ANKAR: variants seen among roughly 807,000 people sequenced by gnomAD.
The protein encoded by ANKAR is ankyrin and armadillo repeat containing.
A neutral mutation model predicts 146.2 loss-of-function variants in ANKAR; 136 were observed. That is an observed-to-expected ratio of 0.93 (90% CI 0.81 to 1.07). The LOEUF (loss-of-function observed/expected upper bound fraction) is 1.07. ANKAR is among the 50% of genes least tolerant of loss of function. The pLI is 0.00. For missense variants in ANKAR, 1,567 were observed against 1,679.9 expected (o/e 0.93, Z 1.18); for synonymous variants, 500 against 575.8 (o/e 0.87, Z 1.88).
Position 189,705,037 on chromosome 2 carries a change from C to T in ANKAR, c.1723C>T (p.His575Tyr), listed in dbSNP as rs200744384. ...VTFSQGPTPL[H>Y]LAAQACSLET... ...ATCCATTCTAGGTCCAACACCTCTA[C>T]ACCTTGCTGCACAGGCTTGCTCATT... is the stretch of plus-strand genomic sequence containing the variant. The change falls in exon 8 of 23, where the codon CAC becomes TAC. Residue 575 changes from histidine (H) to tyrosine (Y), a missense_variant. Transcript: ENST00000684021. 34 of 1,614,050 alleles carry T rather than the reference C, an allele frequency of 2.1e-5. No individual in the cohort carries two copies. The East Asian group carries it at 7.1e-4, about 34-fold the overall frequency.
At chr2:189,708,922 T>C (rs2039318371) in intron 9 of ANKAR, among the ~76,000 whole-genome samples, 1 of 151,876 alleles carries the variant, frequency 6.6e-6, no homozygotes, top group Non-Finnish European at 1.5e-5. Context: ...GCCAACATGG[T>C]GAAAACCTGT....
intron 16 of ANKAR, among the ~76,000 whole-genome samples, chr2:189,732,467 C>T (rs2042496007): frequency 6.6e-6 from 1 of 152,068 alleles, no homozygotes; most frequent in Non-Finnish European, 1.5e-5. Context: ...CGAGGCCAAC[C>T]TGGCCAACAT....
At chr2:189,698,144 C>T (rs1473394314) in intron 7 of ANKAR, among the ~76,000 whole-genome samples, 2 of 152,022 alleles carry the variant, frequency 1.3e-5, no homozygotes, top group Non-Finnish European at 2.9e-5. Context: ...GTATTTGGTG[C>T]ATTTAAAAAG....
chr2:189,714,554 T>A (rs1477733768), intron 10 of ANKAR, among the ~76,000 whole-genome samples: 2 of 152,142 alleles, frequency 1.3e-5, no homozygotes, highest in Non-Finnish European at 2.9e-5. Context: ...AGATGTTCTT[T>A]GAAACCGATG....
chr2:189,740,299 A>T (rs893808896), intron 19 of ANKAR, among the ~76,000 whole-genome samples: 4 of 152,168 alleles, frequency 2.6e-5, no homozygotes, highest in African/African-American at 7.2e-5. Context: ...TTTAACTTTA[A>T]ATAGAGCTTA....
At chr2:189,712,311 C>T (rs1480965952) in intron 10 of ANKAR, among the ~76,000 whole-genome samples, 1 of 152,212 alleles carries the variant, frequency 6.6e-6, no homozygotes, top group Non-Finnish European at 1.5e-5. Flanking sequence ...GTCCCTCACC[C>T]CCTTGTAGCC....
chr2:189,756,390 C>T (rs1355339353), intron 18 of ANKAR, among the ~76,000 whole-genome samples: 2 of 152,058 alleles, frequency 1.3e-5, no homozygotes, highest in Non-Finnish European at 2.9e-5. Context: ...ATAGAGTCTG[C>T]AAAACGCACT....
intron 2 of ANKAR, among the ~76,000 whole-genome samples, chr2:189,683,572 C>T (rs1480957275): frequency 2.0e-5 from 3 of 152,224 alleles, no homozygotes; most frequent in African/African-American, 7.2e-5. Flanking sequence ...AACTTGGCTG[C>T]AGCCCTTTCT....
exon 19 of ANKAR, chr2:189,761,190 G>A: frequency 2.8e-6 from 1 of 358,794 alleles, no homozygotes; most frequent in East Asian, 4.5e-5. Flanking sequence ...ACGGAAGCTG[G>A]GAATGAGCTC....
downstream of ANKAR, among the ~76,000 whole-genome samples, chr2:189,748,475 T>A (rs1227579042): frequency 2.6e-5 from 4 of 152,186 alleles, no homozygotes; most frequent in African/African-American, 9.6e-5. Context: ...CCTCCTCCCT[T>A]GGCCTCCCAA....
downstream of ANKAR, among the ~76,000 whole-genome samples, chr2:189,748,385 C>T (rs547618379): frequency 3.9e-5 from 6 of 152,174 alleles, no homozygotes; most frequent in South Asian, 6.2e-4. Context: ...GTGGTACAGG[C>T]GTGTAGCCCT....
rs1253066219 is a variant in ANKAR at position 189,692,042 on chromosome 2, A to C, written c.1040-213A>C. Among the ~76,000 whole-genome samples the C allele has an allele frequency of 2.6e-5, 4 of 152,206 alleles. No homozygotes were observed. In the East Asian group the frequency reaches 5.8e-4, roughly 22 times the overall value. ...CTCTCAAAATGCTGGGATTATAGGC[A>C]TGAGGCACTGTGCATGCTCAAAAAT... On this transcript the variant is annotated intron_variant, in intron 3 of 22. Transcript: ENST00000684021.
At chr2:189,690,057 A>C (rs1214333338) in intron 3 of ANKAR, 93 bp downstream of exon 3, 1 of 847,572 alleles carries the variant, frequency 1.2e-6, no homozygotes, top group Non-Finnish European at 1.7e-6. Flanking sequence ...GGGTGCAGGC[A>C]GTAACCTAGC....
At chr2:189,716,003 G>A (rs558494381) in intron 10 of ANKAR, among the ~76,000 whole-genome samples, 4 of 152,264 alleles carry the variant, frequency 2.6e-5, no homozygotes, top group African/African-American at 9.6e-5. Flanking sequence ...GCAAAAATTG[G>A]AAGCATTCCC....
chr2:189,712,196 A>C (rs2263969), intron 10 of ANKAR, among the ~76,000 whole-genome samples: 149,499 of 152,342 alleles, frequency 0.98, 73,414 homozygotes, highest in East Asian at 1. Context: ...GCAGCAGAAA[A>C]TTCTGCAGAC....
intron 6 of ANKAR, 69 bp from the exon 7 acceptor site, chr2:189,696,081 T>G (rs1413726719): frequency 1.5e-6 from 2 of 1,348,348 alleles, no homozygotes. Flanking sequence ...ATACACTTCA[T>G]GTATTTTTTT....
chr2:189,751,601 C>T (rs538383166), downstream of ANKAR, among the ~76,000 whole-genome samples: 1 of 151,506 alleles, frequency 6.6e-6, no homozygotes, highest in East Asian at 2.0e-4. Context: ...CCTGCCACTA[C>T]GCCTGGCTAA....
chr2:189,754,337 T>C (rs2045735888), intron 18 of ANKAR: 1 of 1,600,888 alleles, frequency 6.2e-7, no homozygotes, highest in African/African-American at 1.3e-5. Flanking sequence ...AAGAAAGTCT[T>C]CTTGCCACCT....
chr2:189,742,043 A>G (rs2043388147), intron 20 of ANKAR, among the ~76,000 whole-genome samples: 1 of 152,224 alleles, frequency 6.6e-6, no homozygotes. Context: ...AGGGTGTGTG[A>G]AAGAGGCCGT....
Sources: allele counts gnomAD v4.1 joint callset (sites outside exome capture counted in the v4.1 genomes callset), GRCh38; gene constraint gnomAD v4.1.1; transcripts MANE v1.5; gene names NCBI Gene and HGNC (gene_info 2026-07-23, HGNC 2026-07-21).